The following CCDC102B variants were observed in gnomAD, a reference collection of about 807,000 sequenced individuals.
CCDC102B encodes the protein coiled-coil domain-containing protein 102B.
A neutral mutation model predicts 57.4 loss-of-function variants in CCDC102B; 75 were observed. The ratio of observed to expected loss-of-function variants is 1.31; its 90% CI spans 1.08 to 1.58. The LOEUF is 1.58. Among genes scored for constraint, CCDC102B ranks in the 40% most tolerant of loss-of-function variants. The probability of loss-of-function intolerance (pLI) is 0.00; values close to 1 mark genes in which losing one functional copy is unlikely to be tolerated. For missense variants in CCDC102B, 636 were observed against 582.6 expected, an observed-to-expected ratio of 1.09 and a Z score of -0.94; for synonymous variants, 206 against 201.9, an observed-to-expected ratio of 1.02 and a Z score of -0.17.
At chr18:68,943,150 C>A (rs907615815) in intron 6 of CCDC102B, among the ~76,000 whole-genome samples, 1 of 150,764 alleles carries the variant, frequency 6.6e-6, no homozygotes, top group Non-Finnish European at 1.5e-5. Flanking sequence ...AAGAATTTTT[C>A]TTAGTACAGA....
chr18:69,029,619 G>A (rs1476197701), intron 7 of CCDC102B, among the ~76,000 whole-genome samples: 1 of 152,162 alleles, frequency 6.6e-6, no homozygotes, highest in Non-Finnish European at 1.5e-5. Context: ...TCTCAACTCT[G>A]GAGGTCCCAG....
At chr18:69,043,769 T>G (rs2052492071) in intron 7 of CCDC102B, among the ~76,000 whole-genome samples, 1 of 152,130 alleles carries the variant, frequency 6.6e-6, no homozygotes, top group Non-Finnish European at 1.5e-5. Flanking sequence ...CTATGTCTAC[T>G]TCTTTCTATA....
At chr18:68,968,480 A>T (rs1475858343) in intron 6 of CCDC102B, among the ~76,000 whole-genome samples, 1 of 152,180 alleles carries the variant, frequency 6.6e-6, no homozygotes, top group Non-Finnish European at 1.5e-5. Context: ...GTCTAAATTT[A>T]TAGTTTCTCC....
intron 5 of CCDC102B, among the ~76,000 whole-genome samples, chr18:68,875,214 T>C (rs1462543930): frequency 6.6e-6 from 1 of 152,162 alleles, no homozygotes; most frequent in Non-Finnish European, 1.5e-5. Context: ...TTGTTATAGT[T>C]AATTCATTTC....
At chr18:68,788,136 G>A (rs1202326413) in intron 2 of CCDC102B, among the ~76,000 whole-genome samples, 1 of 152,096 alleles carries the variant, frequency 6.6e-6, no homozygotes, top group Admixed American at 6.6e-5. Context: ...TAGTTGAGCG[G>A]TTTTGAGTGA....
At chr18:68,912,481 T>A (rs1015342927) in intron 6 of CCDC102B, among the ~76,000 whole-genome samples, 10 of 152,232 alleles carry the variant, frequency 6.6e-5, no homozygotes, top group African/African-American at 2.4e-4. Context: ...AAACTTTAGA[T>A]GTGGGGCCTG....
At chr18:68,881,809 C>T (rs1470964261) in intron 5 of CCDC102B, among the ~76,000 whole-genome samples, 1 of 152,160 alleles carries the variant, frequency 6.6e-6, no homozygotes, top group African/African-American at 2.4e-5. Context: ...CTCTCTCTGT[C>T]ATTAAACCTC....
chr18:68,745,781 C>G (rs1006444188), intron 2 of CCDC102B, among the ~76,000 whole-genome samples: 3 of 152,150 alleles, frequency 2.0e-5, no homozygotes, highest in Non-Finnish European at 2.9e-5. Flanking sequence ...TTCCTTTCTA[C>G]TTCTATGAGA....
chr18:68,866,762 T>C, intron 4 of CCDC102B: 1 of 649,536 alleles, frequency 1.5e-6, no homozygotes, highest in Non-Finnish European at 3.0e-6. Context: ...AGTGCACGGG[T>C]CTGTCTTTTT....
At chr18:68,813,550 A>G (rs2036353944) in intron 1 of CCDC102B, among the ~76,000 whole-genome samples, 1 of 151,806 alleles carries the variant, frequency 6.6e-6, no homozygotes, top group Admixed American at 6.6e-5. Flanking sequence ...AAACATTTTT[A>G]TAGGACTTTG....
intron 6 of CCDC102B, among the ~76,000 whole-genome samples, chr18:68,916,712 T>A (rs1018413108): frequency 3.3e-5 from 5 of 152,170 alleles, no homozygotes; most frequent in African/African-American, 1.2e-4. Context: ...CTAAAGTCAA[T>A]CAAATCATCA....
chr18:68,991,140 TTAAA>T (rs2050856695), intron 6 of CCDC102B, among the ~76,000 whole-genome samples: 3 of 150,646 alleles, frequency 2.0e-5, no homozygotes, highest in Non-Finnish European at 3.0e-5. Flanking sequence ...TTTTTTTTTC[TTAAA>T]TAAATACAAG....
chr18:69,044,949 A>T (rs2052523022), intron 7 of CCDC102B, among the ~76,000 whole-genome samples: 1 of 152,114 alleles, frequency 6.6e-6, no homozygotes, highest in Non-Finnish European at 1.5e-5. Context: ...TTGGTTTCTC[A>T]TGAGGCCCCT....
chr18:68,859,947 A>C (rs1325600483), intron 4 of CCDC102B, among the ~76,000 whole-genome samples: 1 of 91,896 alleles, frequency 1.1e-5, no homozygotes, highest in Non-Finnish European at 2.6e-5. Flanking sequence ...TCATCCCAAT[A>C]CTGGGTATAT....
At chr18:68,741,066 C>T (rs1337232909) in intron 2 of CCDC102B, among the ~76,000 whole-genome samples, 1 of 152,184 alleles carries the variant, frequency 6.6e-6, no homozygotes, top group Admixed American at 6.5e-5. Context: ...AGGAGGTGCT[C>T]TTGTGGATGG....
intron 6 of CCDC102B, among the ~76,000 whole-genome samples, chr18:68,919,539 A>G (rs2041199000): frequency 6.6e-6 from 1 of 152,184 alleles, no homozygotes; most frequent in Admixed American, 6.5e-5. Flanking sequence ...TCATCTTGTT[A>G]GAGTCACGAT....
intron 2 of CCDC102B, 177 bp from the exon 3 acceptor site, chr18:68,838,529 A>G: frequency 2.0e-6 from 2 of 985,410 alleles, no homozygotes; most frequent in Non-Finnish European, 2.4e-6. Context: ...ATAGAAAAAA[A>G]CAAGCTCAAA....
intron 6 of CCDC102B, among the ~76,000 whole-genome samples, chr18:68,941,208 A>G (rs1005387613): frequency 6.6e-6 from 1 of 151,760 alleles, no homozygotes; most frequent in Non-Finnish European, 1.5e-5. Flanking sequence ...GAGATGTTAA[A>G]GAAAAGAGGT....
chr18:68,829,992 G>C (rs1368718351), intron 1 of CCDC102B, among the ~76,000 whole-genome samples: 1 of 151,922 alleles, frequency 6.6e-6, no homozygotes, highest in African/African-American at 2.4e-5. Context: ...GTACCACCTA[G>C]TTTGTAGTGG....
Sources: gnomAD v4.1 joint callset for allele counts (sites outside exome capture counted in the v4.1 genomes callset) on GRCh38, gnomAD v4.1.1 for gene constraint, MANE v1.5 for transcripts, NCBI Gene and HGNC (gene_info 2026-07-23, HGNC 2026-07-21) for gene names.